The following RABGAP1L variants were observed in gnomAD, a reference collection of about 807,000 sequenced individuals.
RABGAP1L encodes the protein rab GTPase-activating protein 1-like.
A neutral mutation model predicts 137.7 loss-of-function variants in RABGAP1L; 63 were observed. The ratio of observed to expected loss-of-function variants is 0.46; its 90% CI spans 0.37 to 0.56. The LOEUF (loss-of-function observed/expected upper bound fraction) is 0.56. Ranked by LOEUF, RABGAP1L falls within the 20% of genes least tolerant of loss-of-function variation. The probability of loss-of-function intolerance (pLI) is 0.00; values close to 1 mark genes in which losing one functional copy is unlikely to be tolerated. For missense variants in RABGAP1L, 1,095 were observed against 1,244.0 expected, an observed-to-expected ratio of 0.88 and a Z score of 1.80; for synonymous variants, 431 against 433.7, an observed-to-expected ratio of 0.99 and a Z score of 0.08.
In RABGAP1L at chr1:174,449,195, T is replaced by A. The variant is rs879015292; in HGVS notation, c.1710+55050T>A. ...GAAACGGGCTAATTCTTGCTCCATT[T>A]GAAGAGAGCTACATAGTAAATCAAA... On this transcript the variant is annotated intron_variant, in intron 13 of 25. Transcript: ENST00000681986. The A allele has an allele frequency of 2.5e-6, 4 of 1,588,636 alleles. No homozygotes were observed. In the South Asian group the frequency reaches 4.7e-5, roughly 19 times the overall value.
chr1:174,751,474 T>G (rs1684331502), intron 17 of RABGAP1L, among the ~76,000 whole-genome samples: 1 of 152,220 alleles, frequency 6.6e-6, no homozygotes, highest in Non-Finnish European at 1.5e-5. Flanking sequence ...TTATGCCAAC[T>G]CATACTTGAA....
At chr1:174,353,853 T>C (rs1683394890) in intron 11 of RABGAP1L, among the ~76,000 whole-genome samples, 1 of 152,222 alleles carries the variant, frequency 6.6e-6, no homozygotes, top group African/African-American at 2.4e-5. Flanking sequence ...AGTGCCTCTT[T>C]CTTTGATAGC....
chr1:174,961,616 G>A (rs1231642266), intron 20 of RABGAP1L, among the ~76,000 whole-genome samples: 3 of 152,052 alleles, frequency 2.0e-5, no homozygotes, highest in Non-Finnish European at 4.4e-5. Flanking sequence ...AGGCCGAGGT[G>A]GGTGGATCAC....
chr1:174,789,726 A>C (rs924281478), intron 18 of RABGAP1L, among the ~76,000 whole-genome samples: 1 of 152,366 alleles, frequency 6.6e-6, no homozygotes, highest in East Asian at 1.9e-4. Flanking sequence ...AAGGAAACAG[A>C]GGTTCTAAGG....
rs148880917 is a variant in RABGAP1L at position 174,738,930 on chromosome 1, G to A, written c.2170-13383G>A. Among the ~76,000 whole-genome samples, 210 of 152,210 alleles carry A rather than the reference G, an allele frequency of 1.4e-3. 2 individuals are homozygous for A. Among genetic ancestry groups the A allele is most frequent in the Non-Finnish European group, 2.4e-3 (162 of 68,010 alleles). ...GCTAATTAGGTCTCTTTGCCTTGTA[G>A]CTCTCACTTTTAAATTGTTTTTGTT... On this transcript the variant is annotated intron_variant, in intron 17 of 25. Transcript: ENST00000681986.
chr1:174,569,025 A>G (rs949702615), intron 13 of RABGAP1L, among the ~76,000 whole-genome samples: 1 of 152,188 alleles, frequency 6.6e-6, no homozygotes, highest in South Asian at 2.1e-4. Flanking sequence ...TTATAATGGA[A>G]GATTCTATTA....
chr1:174,486,153 T>G (rs566853613), intron 13 of RABGAP1L, among the ~76,000 whole-genome samples: 3 of 152,096 alleles, frequency 2.0e-5, no homozygotes, highest in African/African-American at 7.2e-5. Context: ...TGTTGATCCC[T>G]TGAACATCTA....
intron 13 of RABGAP1L, among the ~76,000 whole-genome samples, chr1:174,463,785 CAG>C (rs1656988011): frequency 6.6e-6 from 1 of 151,724 alleles, no homozygotes; most frequent in Non-Finnish European, 1.5e-5. Flanking sequence ...TCACACCAGT[CAG>C]AGTGGCTATT....
chr1:174,538,411 G>A (rs1665070203), intron 13 of RABGAP1L, among the ~76,000 whole-genome samples: 1 of 151,948 alleles, frequency 6.6e-6, no homozygotes, highest in African/African-American at 2.4e-5. Flanking sequence ...TCTTTTACAT[G>A]TTTCCAAACC....
intron 14 of RABGAP1L, among the ~76,000 whole-genome samples, chr1:174,673,928 A>G (rs1326695004): frequency 1.3e-5 from 2 of 152,206 alleles, no homozygotes; most frequent in Non-Finnish European, 2.9e-5. Context: ...AGAATGTAGA[A>G]GTATTTGTCA....
chr1:174,635,048 T>A (rs1283455911), intron 13 of RABGAP1L, among the ~76,000 whole-genome samples: 1 of 150,114 alleles, frequency 6.7e-6, no homozygotes. Context: ...AATAAAATAA[T>A]AATAAAATAA....
chr1:174,322,012 A>G (rs1054470358), intron 11 of RABGAP1L, among the ~76,000 whole-genome samples: 1 of 152,098 alleles, frequency 6.6e-6, no homozygotes, highest in South Asian at 2.1e-4. Context: ...TGTGTTTTGC[A>G]CATATTTCTT....
intron 17 of RABGAP1L, among the ~76,000 whole-genome samples, chr1:174,740,754 A>G (rs1212651630): frequency 6.6e-6 from 1 of 152,008 alleles, no homozygotes; most frequent in African/African-American, 2.4e-5. Context: ...CTTTTTTAAT[A>G]ATAGGGATTC....
At chr1:174,311,949 C>T (rs1382449299) in intron 11 of RABGAP1L, among the ~76,000 whole-genome samples, 3 of 152,148 alleles carry the variant, frequency 2.0e-5, no homozygotes, top group African/African-American at 2.4e-5. Context: ...TTGAATAGTC[C>T]TCCGTTGCAT....
At chr1:174,683,394 T>G in intron 14 of RABGAP1L, 128 bp from the exon 15 acceptor site, 3 of 652,362 alleles carry the variant, frequency 4.6e-6, no homozygotes, top group Non-Finnish European at 7.9e-6. Flanking sequence ...CAGATTCAAG[T>G]TGAAAGACCA....
chr1:174,809,626 A>G (rs1159132044), intron 18 of RABGAP1L, among the ~76,000 whole-genome samples: 1 of 152,200 alleles, frequency 6.6e-6, no homozygotes, highest in Non-Finnish European at 1.5e-5. Context: ...TTGCATTGAA[A>G]ATAGAAGAGG....
intron 19 of RABGAP1L, among the ~76,000 whole-genome samples, chr1:174,891,747 C>T (rs1290441523): frequency 6.6e-6 from 1 of 152,168 alleles, no homozygotes. Flanking sequence ...TCAAGCAATC[C>T]TCCAGCCTCA....
chr1:174,183,607 A>G (rs1229931009), intron 1 of RABGAP1L, among the ~76,000 whole-genome samples: 1 of 152,146 alleles, frequency 6.6e-6, no homozygotes, highest in Non-Finnish European at 1.5e-5. Context: ...AACCTACTTG[A>G]CACATCATTT....
At chr1:174,280,497 C>T (rs1675423788) in intron 10 of RABGAP1L, among the ~76,000 whole-genome samples, 1 of 152,172 alleles carries the variant, frequency 6.6e-6, no homozygotes, top group African/African-American at 2.4e-5. Context: ...AGACCAGACT[C>T]CTGGGGGCAA....
Sources: allele counts gnomAD v4.1 joint callset (sites outside exome capture counted in the v4.1 genomes callset), GRCh38; gene constraint gnomAD v4.1.1; transcripts MANE v1.5; gene names NCBI Gene and HGNC (gene_info 2026-07-23, HGNC 2026-07-21).